The following TANGO6 variants were observed in gnomAD, a reference collection of about 807,000 sequenced individuals.
The protein encoded by TANGO6 is transport and Golgi organization protein 6 homolog.
A neutral mutation model predicts 114.2 loss-of-function variants in TANGO6; 90 were observed. The observed-to-expected ratio is 0.79, with a 90% CI of 0.66 to 0.94. The LOEUF is 0.94. Among genes scored for constraint, TANGO6 ranks in the 40% least tolerant of loss-of-function variants. The pLI, the probability that TANGO6 is intolerant of heterozygous loss-of-function variation, is 0.00. For synonymous variants in TANGO6, 477 were observed against 509.8 expected (o/e 0.94, Z 0.87); for missense variants, 1,274 against 1,315.3 (o/e 0.97, Z 0.49).
Position 68,858,712 on chromosome 16 carries a change from G to C in TANGO6, c.95-1172G>C, listed in dbSNP as rs190977896. On this transcript the variant is annotated intron_variant, in intron 1 of 17. Coordinates refer to ENST00000261778, the MANE Select transcript of TANGO6 (RefSeq NM_024562.2). ...TGCCCAGGCTGATCTCAAACTCCTG[G>C]GCTCAAGCGATCCTCCTGCCTTGGC... Among the ~76,000 whole-genome samples the C allele has an allele frequency of 2.9e-3, 443 of 151,882 alleles. 3 individuals are homozygous for C. Among genetic ancestry groups the C allele is most frequent in the African/African-American group, 0.01 (434 of 41,416 alleles).
At chr16:69,054,430 T>G (rs1457193413) in intron 17 of TANGO6, among the ~76,000 whole-genome samples, 2 of 152,232 alleles carry the variant, frequency 1.3e-5, no homozygotes, top group Non-Finnish European at 2.9e-5. Context: ...CATCAACTCC[T>G]GAAATTTTCT....
intron 3 of TANGO6, among the ~76,000 whole-genome samples, chr16:68,863,337 G>T (rs1962128681): frequency 6.6e-6 from 1 of 152,126 alleles, no homozygotes; most frequent in African/African-American, 2.4e-5. Context: ...GCTGGGCACG[G>T]TGGCTCACGC....
rs779648841 is a variant in TANGO6 at position 68,867,148 on chromosome 16, C to T, written c.922C>T (p.Leu308=). The change falls in exon 4 of 18, where the codon CTG becomes TTG. Residue 308 remains leucine (L), a synonymous_variant. Coordinates refer to ENST00000261778, the MANE Select transcript of TANGO6 (RefSeq NM_024562.2). ...PAWLRRLCGQ[L]LSERLMRPNG... is the part of the protein sequence containing the mutation. ...TTGGCTTCGGCGTCTATGTGGACAG[C>T]TGCTCTCTGAAAGGTTAATGAGACC... The T allele has an allele frequency of 1.9e-5, 31 of 1,613,840 alleles. No homozygotes were observed. Among genetic ancestry groups the T allele is most frequent in the Non-Finnish European group, 2.4e-5 (28 of 1,179,902 alleles).
At chr16:69,052,091 T>C (rs1232506604) in intron 17 of TANGO6, among the ~76,000 whole-genome samples, 1 of 148,884 alleles carries the variant, frequency 6.7e-6, no homozygotes, top group East Asian at 2.0e-4. Context: ...GGACTACAGG[T>C]GTGTACCACC....
At chr16:69,003,511 C>G (rs1964063679) in intron 15 of TANGO6, among the ~76,000 whole-genome samples, 1 of 152,056 alleles carries the variant, frequency 6.6e-6, no homozygotes, top group Non-Finnish European at 1.5e-5. Flanking sequence ...AAGAACATAC[C>G]TTTTCAAGGG....
chr16:69,074,306 A>G (rs72789226), intron 17 of TANGO6, among the ~76,000 whole-genome samples: 13,438 of 151,806 alleles, frequency 0.089, 668 homozygotes, highest in South Asian at 0.18. Flanking sequence ...ACAGAAAAGG[A>G]GTCCCGATCC....
At chr16:69,068,046 C>T (rs916955027) in intron 17 of TANGO6, among the ~76,000 whole-genome samples, 1 of 150,384 alleles carries the variant, frequency 6.6e-6, no homozygotes, top group Non-Finnish European at 1.5e-5. Context: ...GAGGCTGAGG[C>T]AGAAGAATTG....
intron 7 of TANGO6, among the ~76,000 whole-genome samples, chr16:68,890,215 A>T (rs1962591579): frequency 6.6e-6 from 1 of 152,208 alleles, no homozygotes; most frequent in South Asian, 2.1e-4. Context: ...CATCCCTGTA[A>T]AAGAGAAGCC....
In TANGO6 at chr16:69,028,844, T is replaced by C. The variant is rs918117520; in HGVS notation, c.2994+5865T>C. Among the ~76,000 whole-genome samples, 56 of 133,052 alleles carry C rather than the reference T, an allele frequency of 4.2e-4. 1 individual carries two copies. The highest frequency in any genetic ancestry group is 1.5e-3 in the African/African-American group (51 of 34,626). The allele number at this position is 133,052 out of a possible 152,430, so 87.3% of individuals were successfully genotyped here. On this transcript the variant is annotated intron_variant, in intron 16 of 17. Coordinates refer to ENST00000261778, the MANE Select transcript of TANGO6 (RefSeq NM_024562.2). ...CTGGGACTATAGGCACACACCACCA[T>C]GCCCAGTTTAACAAAAAAAAAAAAA...
intron 15 of TANGO6, among the ~76,000 whole-genome samples, chr16:68,987,350 CTGT>C (rs1369316644): frequency 6.6e-6 from 1 of 151,900 alleles, no homozygotes; most frequent in Non-Finnish European, 1.5e-5. Flanking sequence ...AATTTTGTTG[CTGT>C]TGTTGTTGCT....
At chr16:68,900,325 G>A (rs1043145715) in intron 7 of TANGO6, 109 bp from the exon 8 acceptor site, 2 of 806,614 alleles carry the variant, frequency 2.5e-6, no homozygotes, top group African/African-American at 1.7e-5. Flanking sequence ...GTGTGATTCG[G>A]ATGAGATATT....
intron 11 of TANGO6, among the ~76,000 whole-genome samples, chr16:68,910,925 C>G (rs1435924050): frequency 6.6e-6 from 1 of 152,166 alleles, no homozygotes; most frequent in African/African-American, 2.4e-5. Flanking sequence ...GATCCACCCA[C>G]CTTGGCCTCC....
chr16:69,072,946 T>C (rs966113713), intron 17 of TANGO6, among the ~76,000 whole-genome samples: 16 of 145,880 alleles, frequency 1.1e-4, no homozygotes, highest in African/African-American at 3.6e-4. Context: ...TATTTCTAAG[T>C]GAAAGATTCC....
intron 17 of TANGO6, among the ~76,000 whole-genome samples, chr16:69,083,090 A>ATCT (rs1165187938): frequency 3.6e-5 from 5 of 140,574 alleles, no homozygotes; most frequent in Non-Finnish European, 6.0e-5. Context: ...GCCATGCATT[A>ATCT]TCTTCTTTTT....
chr16:68,885,552 A>G (rs1488980762), intron 7 of TANGO6: 2 of 152,216 alleles, frequency 1.3e-5, no homozygotes, highest in African/African-American at 2.4e-5. Context: ...CATAGAATTT[A>G]TGGTCTTTTG....
rs564389907 is a variant in TANGO6, at chr16:68,877,198, G to A, written c.1132-920G>A. Among the ~76,000 whole-genome samples, 3 of 152,134 alleles carry A rather than the reference G, an allele frequency of 2.0e-5. No homozygotes were observed. The South Asian group carries it at 6.2e-4, about 32-fold the overall frequency. ...ACATGAAAAATGTGGGGCTGGGCAC[G>A]GTGGCTCACGCCTGTAATCCCAGCA... On this transcript the variant is annotated intron_variant, in intron 5 of 17. Transcript: ENST00000261778.
rs375488297 is a variant in TANGO6 at position 68,860,406 on chromosome 16, C to T, written c.617C>T (p.Ala206Val). The change falls in exon 2 of 18, where the codon GCT becomes GTT. Residue 206 changes from alanine (A) to valine (V), a missense_variant. By Grantham distance (64) the Ala-to-Val change is moderately conservative (BLOSUM62 0). Transcript: ENST00000261778. Reference sequence around the variant, plus strand: ...AGCTGCAAGGCCCTTCTGAATGTTGCTCAGCACACATCTCTGGGGAGCTTG... The same window carrying T: ...AGCTGCAAGGCCCTTCTGAATGTTGTTCAGCACACATCTCTGGGGAGCTTG... ...YTSCKALLNV[A>V]QHTSLGSLIF... 3.7e-6 allele frequency: 6 copies of T among 1,613,890 alleles called. No homozygotes were observed. The highest frequency in any genetic ancestry group is 4.2e-6 in the Non-Finnish European group (5 of 1,179,904).
At chr16:68,904,253 C>T (rs186410604) in intron 9 of TANGO6, among the ~76,000 whole-genome samples, 7 of 152,174 alleles carry the variant, frequency 4.6e-5, no homozygotes, top group African/African-American at 7.2e-5. Flanking sequence ...ACTACAGGTG[C>T]GCGCCACCAT....
At chr16:68,945,259 G>T (rs1312532681) in intron 14 of TANGO6, among the ~76,000 whole-genome samples, 1 of 152,374 alleles carries the variant, frequency 6.6e-6, no homozygotes, top group Non-Finnish European at 1.5e-5. Context: ...CAGCTGACAA[G>T]CTCTGAGGAG....
Sources: allele counts gnomAD v4.1 joint callset (sites outside exome capture counted in the v4.1 genomes callset), GRCh38; gene constraint gnomAD v4.1.1; transcripts MANE v1.5; gene names NCBI Gene and HGNC (gene_info 2026-07-23, HGNC 2026-07-21).